Variants in ATP6V0A1 observed in about 807,000 individuals in gnomAD.
The protein encoded by ATP6V0A1 is ATPase H+ transporting V0 subunit a1.
In ATP6V0A1, 43 loss-of-function variants were observed where a neutral mutation model predicts 105.4. That is an observed-to-expected ratio of 0.41 (90% CI 0.32 to 0.53). The LOEUF is 0.53. ATP6V0A1 is among the 20% of genes least tolerant of loss of function. The probability of loss-of-function intolerance (pLI) is 0.30; values close to 1 mark genes in which losing one functional copy is unlikely to be tolerated. For synonymous variants in ATP6V0A1, 362 were observed against 372.8 expected, an observed-to-expected ratio of 0.97 and a Z score of 0.33; for missense variants, 676 against 1,051.1, an observed-to-expected ratio of 0.64 and a Z score of 4.93.
At chr17:42,470,586 G>A (rs2087759731) in intron 5 of ATP6V0A1, 1 of 174,704 alleles carries the variant, frequency 5.7e-6, no homozygotes, top group Non-Finnish European at 1.2e-5. Context: ...TTATAACAAA[G>A]GTTTAATCAC....
At chr17:42,466,918 C>T (rs1272410667) in intron 3 of ATP6V0A1, among the ~76,000 whole-genome samples, 3 of 152,172 alleles carry the variant, frequency 2.0e-5, no homozygotes, top group South Asian at 2.1e-4. Flanking sequence ...GAGGCTGAGG[C>T]GGGTGGATCA....
intron 11 of ATP6V0A1, among the ~76,000 whole-genome samples, 192 bp downstream of exon 11, chr17:42,490,829 C>T (rs1598903704): frequency 1.3e-5 from 2 of 152,264 alleles, no homozygotes; most frequent in East Asian, 3.9e-4. Flanking sequence ...GCTAGGACCA[C>T]AGGCGCACAG....
In ATP6V0A1 at chr17:42,490,635, C is replaced by T; in HGVS notation, c.1172C>T (p.Pro391Leu). Residue 391 changes from proline (P) to leucine (L), a missense_variant and splice_region_variant, in exon 11 of 22, where the codon CCA (proline) becomes CTA (leucine). Pro to Leu is a moderately conservative substitution (Grantham distance 98). This residue lies in a region of ATP6V0A1 where 435 missense variants were observed against 642.2 expected (regional missense o/e 0.68). Transcript: ENST00000343619. The stretch of plus-strand genomic sequence containing the variant: ...ATTGGAACTTACCGAGAGATAAATC[C>T]AGGTAAAAAAAAGCTTGTTATCTTT... Reference protein sequence around the residue: ...YGIGTYREINPAPYTIITFPF... With the variant: ...YGIGTYREINLAPYTIITFPF... 1 of 1,579,520 alleles carries T rather than the reference C, an allele frequency of 6.3e-7. No individual in the cohort carries two copies.
chr17:42,466,579 C>G, intron 3 of ATP6V0A1, 72 bp downstream of exon 3: 1 of 1,271,480 alleles, frequency 7.9e-7, no homozygotes, highest in Non-Finnish European at 1.1e-6. Context: ...CATTAGTCCT[C>G]TTAATAGAGG....
chr17:42,512,292 A>C (rs1418601561), intron 19 of ATP6V0A1, among the ~76,000 whole-genome samples: 1 of 152,224 alleles, frequency 6.6e-6, no homozygotes, highest in Non-Finnish European at 1.5e-5. Context: ...CCTGTCCTGC[A>C]GTTTATTCGG....
In ATP6V0A1 at chr17:42,514,001, C is replaced by T. The variant is rs770656521; in HGVS notation, c.2248+23C>T. 3.6e-5 allele frequency: 57 copies of T among 1,604,284 alleles called. No individual in the cohort carries two copies. The South Asian group carries it at 3.7e-4, about 11-fold the overall frequency. Reference sequence around the variant, plus strand: ...CGCGTGAGTACCTCTCTCCGGGCTCCGGAACTCTAGTTTCCCCCTCTGTGG... The same window carrying T: ...CGCGTGAGTACCTCTCTCCGGGCTCTGGAACTCTAGTTTCCCCCTCTGTGG... On this transcript the variant is annotated intron_variant, in intron 20 of 21. Coordinates refer to ENST00000343619, the MANE Select transcript of ATP6V0A1 (RefSeq NM_001130021.3).
At chr17:42,501,005 A>G (rs1599010297) in intron 16 of ATP6V0A1, 82 bp downstream of exon 16, 2 of 1,427,564 alleles carry the variant, frequency 1.4e-6, no homozygotes, top group Non-Finnish European at 2.0e-6. Flanking sequence ...TAAAAAATTT[A>G]TAACTGCCCT....
chr17:42,500,652 TA>T, intron 15 of ATP6V0A1, 54 bp from the exon 16 acceptor site: 1 of 1,380,480 alleles, frequency 7.2e-7, no homozygotes, highest in East Asian at 2.3e-5. Context: ...CCATTCAGTG[TA>T]GGAGTGGCCC....
chr17:42,489,158 C>T (rs2090399091), intron 10 of ATP6V0A1, among the ~76,000 whole-genome samples: 1 of 151,142 alleles, frequency 6.6e-6, no homozygotes, highest in South Asian at 2.1e-4. Flanking sequence ...CTGCAACCTC[C>T]ACCCTCCACC....
At chr17:42,506,534 C>T (rs751538425) in intron 17 of ATP6V0A1, among the ~76,000 whole-genome samples, 1 of 152,254 alleles carries the variant, frequency 6.6e-6, no homozygotes, top group Non-Finnish European at 1.5e-5. Flanking sequence ...TGCTGCTGCC[C>T]GAAGGCCAGG....
intron 21 of ATP6V0A1, chr17:42,517,802 A>C (rs910496866): frequency 6.6e-6 from 1 of 152,248 alleles, no homozygotes; most frequent in Non-Finnish European, 1.5e-5. Flanking sequence ...CATCCATCCT[A>C]GGCATCTTCA....
chr17:42,461,113 CATT>C (rs2086346419), intron 2 of ATP6V0A1, 102 bp downstream of exon 2: 11 of 941,624 alleles, frequency 1.2e-5, no homozygotes, highest in South Asian at 8.4e-5. Flanking sequence ...GCAAAAATAA[CATT>C]ATAGCACTGA....
chr17:42,518,912 C>T (rs577046309), intron 21 of ATP6V0A1: 5 of 152,246 alleles, frequency 3.3e-5, no homozygotes, highest in African/African-American at 1.2e-4. Context: ...TCAGGAAGCA[C>T]ACATTTCCCC....
chr17:42,517,549 C>CTTTGGAAGGCTTTGGAGGGCT (rs1313314434), intron 21 of ATP6V0A1, among the ~76,000 whole-genome samples: 1 of 152,184 alleles, frequency 6.6e-6, no homozygotes, highest in Non-Finnish European at 1.5e-5. Context: ...TCCAGAATCT[C>CTTTGGAAGGCTTTGGAGGGCT]GTCTTTGGAG....
chr17:42,513,317 AAG>A (rs1375256852), intron 19 of ATP6V0A1: 1 of 152,762 alleles, frequency 6.5e-6, no homozygotes, highest in Non-Finnish European at 1.5e-5. Flanking sequence ...ACAAAAGAAA[AAG>A]AAGGTTATCT....
chr17:42,486,040 G>A (rs1352797535), intron 9 of ATP6V0A1, among the ~76,000 whole-genome samples: 1 of 152,190 alleles, frequency 6.6e-6, no homozygotes, highest in Middle Eastern at 3.2e-3. Flanking sequence ...AATTGTCTAT[G>A]ATGGAGACTT....
intron 9 of ATP6V0A1, among the ~76,000 whole-genome samples, chr17:42,484,507 C>T (rs142321947): frequency 1.8e-4 from 27 of 152,158 alleles, no homozygotes; most frequent in East Asian, 7.7e-4. Flanking sequence ...TGCATCCTTG[C>T]GGTCACCTTT....
rs184283746 is a variant in ATP6V0A1, at chr17:42,476,353, G to A, written c.424-1307G>A. Among the ~76,000 whole-genome samples the A allele has an allele frequency of 1.8e-3, 268 of 152,268 alleles. 1 individual carries two copies. The highest frequency in any genetic ancestry group is 3.4e-3 in the Non-Finnish European group (233 of 68,022). ...CTTTTTGCTATGTTTATGATCCCAT[G>A]ACTTTATCAAGTTATGGTCCCTGTG... On this transcript the variant is annotated intron_variant, in intron 5 of 21. Transcript: ENST00000343619.
intron 2 of ATP6V0A1, 104 bp from the exon 3 acceptor site, chr17:42,466,325 C>A: frequency 1.1e-6 from 1 of 891,658 alleles, no homozygotes. Flanking sequence ...TTGCATCATG[C>A]ATTGACAGAA....
Sources: allele counts gnomAD v4.1 joint callset (sites outside exome capture counted in the v4.1 genomes callset), GRCh38; gene constraint gnomAD v4.1.1; regional missense constraint gnomAD v4.1.1; transcripts MANE v1.5; gene names NCBI Gene and HGNC (gene_info 2026-07-23, HGNC 2026-07-21).